BACH2: variants seen among roughly 807,000 people sequenced by gnomAD.
BACH2 encodes BACH transcriptional regulator 2.
Under a neutral mutation model 61.8 loss-of-function variants are expected in BACH2, and 5 were observed. That is an observed-to-expected ratio of 0.08 (90% CI 0.04 to 0.17). The LOEUF is 0.17. Ranked by LOEUF, BACH2 falls within the 10% of genes least tolerant of loss-of-function variation. BACH2 has a pLI of 1.00. For missense variants in BACH2, 824 were observed against 1,091.1 expected (o/e 0.76, Z 3.45); for synonymous variants, 446 against 440.1 (o/e 1.01, Z -0.17).
intron 6 of BACH2, among the ~76,000 whole-genome samples, chr6:90,005,571 G>A (rs1777362959): frequency 1.3e-5 from 2 of 152,176 alleles, no homozygotes; most frequent in Admixed American, 6.5e-5. Flanking sequence ...CATTGAGCCT[G>A]CAGGGACATT....
intron 5 of BACH2, among the ~76,000 whole-genome samples, chr6:90,071,780 T>C (rs184902560): frequency 1.3e-5 from 2 of 152,340 alleles, no homozygotes; most frequent in East Asian, 3.9e-4. Flanking sequence ...ATAACATAAA[T>C]AGTCCATTAA....
chr6:90,008,620 C>A lies in BACH2; in HGVS notation c.225G>T (p.Val75=), dbSNP rs1431194139. The change falls in exon 6 of 9, where the codon GTG becomes GTT. Residue 75 remains valine, a synonymous_variant. Coordinates refer to ENST00000257749, the MANE Select transcript of BACH2 (RefSeq NM_021813.4). The surrounding 1 kb of genome is among the most constrained non-coding windows in gnomAD (Gnocchi z 4.1). ...ACTGTACCTCCTCAGGCAAGCTGAC[C>A]ACCAAATCATTTTTTGTCTGTCCAA... The part of the protein sequence containing the change: ...ALVGQTKNDL[V]VSLPEEVTAR... 1.9e-6 allele frequency: 3 copies of A among 1,614,032 alleles called. No homozygotes were observed. The highest frequency in any genetic ancestry group is 2.5e-6 in the Non-Finnish European group (3 of 1,180,028).
At chr6:90,033,572 G>T (rs1267658058) in intron 5 of BACH2, among the ~76,000 whole-genome samples, 1 of 152,074 alleles carries the variant, frequency 6.6e-6, no homozygotes, top group Non-Finnish European at 1.5e-5. Context: ...CATTTATATA[G>T]GAACAGTCTT....
At chr6:90,221,514 G>A (rs930155304) in intron 3 of BACH2, among the ~76,000 whole-genome samples, 3 of 152,158 alleles carry the variant, frequency 2.0e-5, no homozygotes, top group African/African-American at 4.8e-5. Context: ...TACTACACAC[G>A]AGGTACTGCC....
At chr6:90,109,404 T>C (rs1582372785) in intron 4 of BACH2, among the ~76,000 whole-genome samples, 1 of 152,256 alleles carries the variant, frequency 6.6e-6, no homozygotes, top group East Asian at 1.9e-4. Context: ...CCTCTGCTCC[T>C]CCTCCTCTGC....
intron 6 of BACH2, among the ~76,000 whole-genome samples, chr6:89,989,457 A>G (rs761363009): frequency 2.0e-5 from 3 of 152,054 alleles, no homozygotes; most frequent in Middle Eastern, 3.2e-3. Flanking sequence ...AAACCCAGGG[A>G]GGTGGGAAGG....
At chr6:90,210,319 ACACACAC>A in intron 3 of BACH2, among the ~76,000 whole-genome samples, 1 of 53,318 alleles carries the variant, frequency 1.9e-5, no homozygotes, top group Non-Finnish European at 6.2e-5. Flanking sequence ...AACAACACAC[ACACACAC>A]ACACACACAC....
At chr6:90,187,153 A>T (rs190605683) in intron 4 of BACH2, among the ~76,000 whole-genome samples, 2 of 152,254 alleles carry the variant, frequency 1.3e-5, no homozygotes, top group African/African-American at 2.4e-5. Flanking sequence ...TATTGAGAAC[A>T]CGGCAATACT....
chr6:90,279,224 T>TA (rs528798365), intron 1 of BACH2, among the ~76,000 whole-genome samples: 21 of 148,214 alleles, frequency 1.4e-4, no homozygotes, highest in Non-Finnish European at 2.1e-4. Context: ...ATCTTGCTCT[T>TA]AAAAAAAAAA....
chr6:90,177,597 C>T (rs1245578626), intron 4 of BACH2, among the ~76,000 whole-genome samples: 1 of 152,190 alleles, frequency 6.6e-6, no homozygotes, highest in African/African-American at 2.4e-5. Flanking sequence ...AAACGTAATG[C>T]ACGAAATGTG....
chr6:90,264,092 GA>G (rs1272491076), intron 2 of BACH2, among the ~76,000 whole-genome samples: 2 of 152,120 alleles, frequency 1.3e-5, no homozygotes, highest in Non-Finnish European at 2.9e-5. Flanking sequence ...ATCCTTTAAG[GA>G]ACCAAACAGG....
intron 7 of BACH2, among the ~76,000 whole-genome samples, chr6:89,948,070 C>T (rs1291497917): frequency 6.6e-6 from 1 of 152,000 alleles, no homozygotes; most frequent in East Asian, 1.9e-4. Context: ...TTGCTGTGGC[C>T]CCAAGACTTT....
At chr6:89,979,007 C>T (rs1236003957) in intron 6 of BACH2, among the ~76,000 whole-genome samples, 1 of 152,218 alleles carries the variant, frequency 6.6e-6, no homozygotes, top group African/African-American at 2.4e-5. Context: ...AGATAAATTA[C>T]TGCTGCCTTG....
chr6:90,185,963 G>A (rs949223324), intron 4 of BACH2, among the ~76,000 whole-genome samples: 1 of 152,158 alleles, frequency 6.6e-6, no homozygotes, highest in Middle Eastern at 3.2e-3. Flanking sequence ...CACAGAATAA[G>A]AACATACATT....
At chr6:90,265,088 A>G (rs1261600034) in intron 2 of BACH2, among the ~76,000 whole-genome samples, 1 of 152,224 alleles carries the variant, frequency 6.6e-6, no homozygotes, top group Non-Finnish European at 1.5e-5. Flanking sequence ...GGCATGCTCC[A>G]TTTCAGACAA....
intron 3 of BACH2, among the ~76,000 whole-genome samples, chr6:90,207,307 T>C (rs772999216): frequency 4.6e-5 from 7 of 152,040 alleles, no homozygotes; most frequent in African/African-American, 1.2e-4. Context: ...TTTGAAGAGA[T>C]AGGGTTTTGC....
chr6:89,981,297 A>G lies in BACH2; in HGVS notation c.243+27305T>C, dbSNP rs933481561. On this transcript the variant is annotated intron_variant, in intron 6 of 8. Coordinates refer to ENST00000257749, the MANE Select transcript of BACH2 (RefSeq NM_021813.4). ...CAGGTGCCCGCCACCATGCCTGGCT[A>G]ATTTTTTTTTTCTTTTTGTATTTTT... is the stretch of plus-strand genomic sequence containing the variant. 2.7e-5 allele frequency among the ~76,000 whole-genome samples: 4 copies of G among 146,304 alleles called. No individual in the cohort carries two copies. In the Admixed American group the frequency reaches 2.7e-4, roughly 10 times the overall value.
intron 4 of BACH2, among the ~76,000 whole-genome samples, chr6:90,150,329 TG>T (rs965331045): frequency 2.0e-5 from 3 of 152,232 alleles, no homozygotes; most frequent in African/African-American, 7.2e-5. Flanking sequence ...TATTTTACAA[TG>T]GATAAACCCT....
intron 3 of BACH2, among the ~76,000 whole-genome samples, chr6:90,224,921 T>C (rs1027365095): frequency 2.6e-5 from 4 of 152,202 alleles, no homozygotes; most frequent in African/African-American, 7.2e-5. Context: ...TGTTTTCAGA[T>C]TCTCTGGTGA....
Sources: gnomAD v4.1 joint callset for allele counts (sites outside exome capture counted in the v4.1 genomes callset) on GRCh38, gnomAD v4.1.1 for gene constraint, Gnocchi (gnomAD v3.1) non-coding constraint, MANE v1.5 for transcripts, NCBI Gene and HGNC (gene_info 2026-07-23, HGNC 2026-07-21) for gene names.